The following SLC16A7 variants were observed in gnomAD, a reference collection of about 807,000 sequenced individuals.
The protein encoded by SLC16A7 is solute carrier family 16 member 7, also known as monocarboxylate transporter 2.
SLC16A7 carries 33 observed loss-of-function variants against 34.9 expected under a neutral mutation model. The observed-to-expected ratio is 0.94, with a 90% CI of 0.72 to 1.26. The LOEUF is 1.26. Ranked by LOEUF, SLC16A7 falls within the 50% of genes most tolerant of loss-of-function variation. The pLI is 0.00. For missense variants in SLC16A7, 573 were observed against 578.1 expected, an observed-to-expected ratio of 0.99 and a Z score of 0.09; for synonymous variants, 201 against 206.6, an observed-to-expected ratio of 0.97 and a Z score of 0.23.
intron 2 of SLC16A7, among the ~76,000 whole-genome samples, chr12:59,680,552 C>CT (rs1249757174): frequency 6.6e-6 from 1 of 152,112 alleles, no homozygotes; most frequent in Middle Eastern, 3.2e-3. Context: ...TACTTGCAAA[C>CT]TTTTTTCTTT....
chr12:59,640,432 C>T (rs1880628810), intron 1 of SLC16A7, among the ~76,000 whole-genome samples: 1 of 151,588 alleles, frequency 6.6e-6, no homozygotes, highest in Admixed American at 6.6e-5. Flanking sequence ...TTATGCCCCC[C>T]CAGAGAAAAA....
chr12:59,771,746 G>A (rs1882255920), intron 4 of SLC16A7, among the ~76,000 whole-genome samples: 1 of 152,114 alleles, frequency 6.6e-6, no homozygotes, highest in Non-Finnish European at 1.5e-5. Context: ...TGCATTTGCA[G>A]TATCTGACTT....
rs1475213774 is a variant in SLC16A7 at position 59,733,305 on chromosome 12, C to T, written c.217+28287C>T. On this transcript the variant is annotated intron_variant, in intron 3 of 5. Coordinates refer to ENST00000547379, the MANE Select transcript of SLC16A7 (RefSeq NM_001270623.2). ...TGCCAAGGGTGAGCAAGGTGCAAAG[C>T]GGCGAGGGGTGTGTGAGTGAGCACT... 5.3e-5 allele frequency among the ~76,000 whole-genome samples: 8 copies of T among 152,118 alleles called. No individual in the cohort carries two copies. In the East Asian group the frequency reaches 7.7e-4, roughly 15 times the overall value.
intron 2 of SLC16A7, among the ~76,000 whole-genome samples, chr12:59,662,542 A>G (rs1430792222): frequency 1.3e-5 from 2 of 152,006 alleles, no homozygotes. Flanking sequence ...ACCTTTAGCC[A>G]TTCTCTCCCC....
At chr12:59,666,118 C>A (rs1441137354) in intron 2 of SLC16A7, among the ~76,000 whole-genome samples, 1 of 151,992 alleles carries the variant, frequency 6.6e-6, no homozygotes, top group Non-Finnish European at 1.5e-5. Flanking sequence ...GGAACTAGGT[C>A]TAGAGAGGGA....
At chr12:59,617,577 T>G (rs1455253755) in intron 1 of SLC16A7, among the ~76,000 whole-genome samples, 1 of 152,052 alleles carries the variant, frequency 6.6e-6, no homozygotes, top group Non-Finnish European at 1.5e-5. Flanking sequence ...ACATGTGACC[T>G]GATCTCAGGT....
At chr12:59,732,465 T>G (rs1399042737) in intron 3 of SLC16A7, among the ~76,000 whole-genome samples, 2 of 152,180 alleles carry the variant, frequency 1.3e-5, no homozygotes, top group Non-Finnish European at 2.9e-5. Context: ...TCAGAAAACA[T>G]AATGGCTCCT....
At chr12:59,771,660 ATGG>A (rs962417357) in intron 4 of SLC16A7, among the ~76,000 whole-genome samples, 119 of 152,156 alleles carry the variant, frequency 7.8e-4, no homozygotes, top group African/African-American at 2.8e-3. Context: ...GCCAATGGAG[ATGG>A]TGTTGTTGGA....
rs375651646 is a variant in SLC16A7 at position 59,671,730 on chromosome 12, A to C, written c.-31+16480A>C. 2.1e-5 allele frequency among the ~76,000 whole-genome samples: 3 copies of C among 144,860 alleles called. No homozygotes were observed. The East Asian group carries it at 5.9e-4, about 29-fold the overall frequency. Reference sequence around the variant, plus strand: ...TATATATATGTGTATATATATGTGTATATATGTATATATGTATATATAATG... The same window carrying C: ...TATATATATGTGTATATATATGTGTCTATATGTATATATGTATATATAATG... On this transcript the variant is annotated intron_variant, in intron 2 of 5. Transcript: ENST00000547379.
Position 59,614,676 on chromosome 12 carries a change from G to A in SLC16A7, c.-130+18440G>A, listed in dbSNP as rs955949129. 3.3e-5 allele frequency among the ~76,000 whole-genome samples: 5 copies of A among 151,626 alleles called. No individual in the cohort carries two copies. The Middle Eastern group carries it at 0.014, about 413-fold the overall frequency. ...GAGGGTTCCTGCCTTATGAATAGGA[G>A]TCAGGCCCTTATATAAATGAGGATC... On this transcript the variant is annotated intron_variant, in intron 1 of 5. Transcript: ENST00000547379.
Position 59,784,444 on chromosome 12 carries a change from A to G in SLC16A7, c.*4765A>G, listed in dbSNP as rs1443911122. On this transcript the variant is annotated 3_prime_UTR_variant, in exon 6 of 6. Transcript: ENST00000547379. ...AATTTTAGTGATTATTCCATTTATA[A>G]TATTATCCGTAGCTACCAAAAAAAA... is the stretch of plus-strand genomic sequence containing the variant. The G allele has an allele frequency of 6.6e-6, 1 of 152,158 alleles. No homozygotes were observed. Among genetic ancestry groups the G allele is most frequent in the Admixed American group, 6.5e-5 (1 of 15,268 alleles). The allele number at this position is 152,158 out of a possible 1,614,324, so 9.4% of individuals were successfully genotyped here.
chr12:59,699,333 G>C (rs1387976474), intron 2 of SLC16A7, among the ~76,000 whole-genome samples: 1 of 151,508 alleles, frequency 6.6e-6, no homozygotes, highest in Admixed American at 6.6e-5. Flanking sequence ...GAACAGAATG[G>C]CTCTAACTAC....
chr12:59,662,207 T>C (rs1445695745), intron 2 of SLC16A7, among the ~76,000 whole-genome samples: 1 of 152,118 alleles, frequency 6.6e-6, no homozygotes, highest in Admixed American at 6.6e-5. Flanking sequence ...TGCACATTAA[T>C]TCAGTTTTAC....
intron 2 of SLC16A7, among the ~76,000 whole-genome samples, chr12:59,656,165 T>C (rs17122787): frequency 0.011 from 1,622 of 152,118 alleles, 37 homozygotes; most frequent in African/African-American, 0.038. Flanking sequence ...TATCATGTAC[T>C]CTGTCTTCTA....
At chr12:59,659,752 A>G (rs1013279658) in intron 2 of SLC16A7, among the ~76,000 whole-genome samples, 1 of 152,088 alleles carries the variant, frequency 6.6e-6, no homozygotes, top group African/African-American at 2.4e-5. Flanking sequence ...TAAAATTATC[A>G]TACTGTGTAG....
At chr12:59,751,339 C>G (rs991978615) in intron 3 of SLC16A7, among the ~76,000 whole-genome samples, 1 of 152,160 alleles carries the variant, frequency 6.6e-6, no homozygotes, top group Admixed American at 6.5e-5. Flanking sequence ...TCAGGGAGTT[C>G]CCTTTCCTAG....
intron 3 of SLC16A7, among the ~76,000 whole-genome samples, chr12:59,731,615 C>G (rs1274570468): frequency 6.6e-6 from 1 of 152,156 alleles, no homozygotes; most frequent in African/African-American, 2.4e-5. Flanking sequence ...TATTTTCTAG[C>G]CATGTGATTC....
chr12:59,647,675 T>C (rs911226881), intron 1 of SLC16A7, among the ~76,000 whole-genome samples: 3 of 152,186 alleles, frequency 2.0e-5, no homozygotes, highest in Non-Finnish European at 4.4e-5. Context: ...CTAATAGAGA[T>C]ACATAAATGT....
At position 59,727,170 on chromosome 12, in the gene SLC16A7, A is replaced by ATATATATATAAAAT. The variant is rs1555174538; in HGVS notation, c.217+22152_217+22153insTATATATATAAAAT. 2.9e-3 allele frequency among the ~76,000 whole-genome samples: 414 copies of ATATATATATAAAAT among 144,370 alleles called. 4 individuals are homozygous for ATATATATATAAAAT. The highest frequency in any genetic ancestry group is 0.01 in the African/African-American group (392 of 37,596). The allele number at this position is 144,370 out of a possible 152,430, so 94.7% of individuals were successfully genotyped here. ...GATGGACATATATATATATATATAT[A>ATATATATATAAAAT]ATATATATATGTTGTATTTAGAAGG... On this transcript the variant is annotated intron_variant, in intron 3 of 5. Transcript: ENST00000547379.
Sources: gnomAD v4.1 joint callset for allele counts (sites outside exome capture counted in the v4.1 genomes callset) on GRCh38, gnomAD v4.1.1 for gene constraint, MANE v1.5 for transcripts, NCBI Gene and HGNC (gene_info 2026-07-23, HGNC 2026-07-21) for gene names.